The following PALLD variants were observed in gnomAD, a reference collection of about 807,000 sequenced individuals.
PALLD encodes palladin, cytoskeletal associated protein, also known as palladin.
A neutral mutation model predicts 123.5 loss-of-function variants in PALLD; 61 were observed. That is an observed-to-expected ratio of 0.49 (90% CI 0.40 to 0.61). PALLD has a LOEUF of 0.61. Ranked by LOEUF, PALLD falls within the 20% of genes least tolerant of loss-of-function variation. PALLD has a pLI of 0.00. For synonymous variants in PALLD, 465 were observed against 496.4 expected (o/e 0.94, Z 0.84); for missense variants, 1,273 against 1,377.0 (o/e 0.92, Z 1.20).
chr4:168,783,589 G>A lies in PALLD; in HGVS notation c.1964+71666G>A, dbSNP rs114456481. Among the ~76,000 whole-genome samples the A allele has an allele frequency of 6.5e-3, 989 of 152,302 alleles. 5 individuals carry two copies. Among genetic ancestry groups the A allele is most frequent in the Middle Eastern group, 0.034 (10 of 294 alleles). ...CCAGGGCAAGATGATCATGCTGGCT[G>A]TGCCTCTTCACCTTCATCCATAAGA... On this transcript the variant is annotated intron_variant, in intron 10 of 21. Transcript: ENST00000505667.
At chr4:168,780,205 C>T (rs930756987) in intron 10 of PALLD, among the ~76,000 whole-genome samples, 3 of 152,122 alleles carry the variant, frequency 2.0e-5, no homozygotes, top group Non-Finnish European at 4.4e-5. Flanking sequence ...GGTCTCACTA[C>T]GTTACATTCT....
chr4:168,894,393 CT>C (rs2151215536), intron 11 of PALLD, 185 bp from the exon 12 acceptor site: 1 of 616,538 alleles, frequency 1.6e-6, no homozygotes, highest in East Asian at 2.9e-5. Context: ...GCCATTAGTA[CT>C]AGAAAGGGAG....
intron 10 of PALLD, among the ~76,000 whole-genome samples, chr4:168,766,256 T>C (rs1246593134): frequency 6.6e-6 from 1 of 152,232 alleles, no homozygotes; most frequent in Non-Finnish European, 1.5e-5. Flanking sequence ...GCTACATTGC[T>C]CCTAAGTTCC....
At chr4:168,597,997 A>C (rs72982753) in intron 2 of PALLD, among the ~76,000 whole-genome samples, 15,036 of 152,138 alleles carry the variant, frequency 0.099, 804 homozygotes, top group Admixed American at 0.13. Flanking sequence ...CTTTATAAAC[A>C]TGATTATCAA....
intron 2 of PALLD, among the ~76,000 whole-genome samples, chr4:168,657,813 G>A (rs1267528517): frequency 6.6e-6 from 1 of 152,150 alleles, no homozygotes; most frequent in Non-Finnish European, 1.5e-5. Flanking sequence ...AAGCCCATTT[G>A]CATAATAAGA....
chr4:168,832,097 G>C, intron 10 of PALLD: 2 of 985,424 alleles, frequency 2.0e-6, no homozygotes, highest in Non-Finnish European at 2.4e-6. Flanking sequence ...CGCCCGGTCC[G>C]CGGAGCCCGC....
chr4:168,723,616 G>C (rs1019009993), intron 10 of PALLD, among the ~76,000 whole-genome samples: 1 of 152,198 alleles, frequency 6.6e-6, no homozygotes, highest in Non-Finnish European at 1.5e-5. Flanking sequence ...CTGGATGCTA[G>C]AGCAGATACA....
intron 10 of PALLD, among the ~76,000 whole-genome samples, chr4:168,730,917 G>A (rs572881345): frequency 6.6e-6 from 1 of 152,142 alleles, no homozygotes; most frequent in South Asian, 2.1e-4. Flanking sequence ...AACCCTTTTG[G>A]CTCTCCATCT....
chr4:168,585,112 T>G (rs1770679643), intron 2 of PALLD, among the ~76,000 whole-genome samples: 1 of 152,248 alleles, frequency 6.6e-6, no homozygotes, highest in African/African-American at 2.4e-5. Context: ...ATTCCAAATG[T>G]ATTGAATGGT....
chr4:168,836,823 T>C (rs1456900306), intron 10 of PALLD, among the ~76,000 whole-genome samples: 1 of 152,202 alleles, frequency 6.6e-6, no homozygotes, highest in Non-Finnish European at 1.5e-5. Context: ...ACTTTTTCAC[T>C]GAAACTATGT....
At chr4:168,583,648 CT>C (rs1770514067) in intron 2 of PALLD, among the ~76,000 whole-genome samples, 1 of 152,198 alleles carries the variant, frequency 6.6e-6, no homozygotes, top group South Asian at 2.1e-4. Flanking sequence ...TCAAGATTTA[CT>C]TCACTTGAAA....
At chr4:168,834,697 A>G (rs1744868671) in intron 10 of PALLD, among the ~76,000 whole-genome samples, 1 of 152,160 alleles carries the variant, frequency 6.6e-6, no homozygotes, top group Admixed American at 6.5e-5. Context: ...AGATTACACC[A>G]CTGCACTCCA....
At chr4:168,718,137 G>T (rs1785546943) in intron 10 of PALLD, among the ~76,000 whole-genome samples, 2 of 152,284 alleles carry the variant, frequency 1.3e-5, no homozygotes, top group Middle Eastern at 3.4e-3. Flanking sequence ...CCAACGTGTG[G>T]CTTTGGCAAT....
intron 10 of PALLD, among the ~76,000 whole-genome samples, chr4:168,797,432 G>T (rs904274742): frequency 7.9e-5 from 12 of 151,598 alleles, no homozygotes; most frequent in African/African-American, 2.7e-4. Context: ...TCCCACGCAG[G>T]GAGTTAATTC....
At chr4:168,631,802 A>G in intron 2 of PALLD, 1 of 985,486 alleles carries the variant, frequency 1.0e-6, no homozygotes, top group Non-Finnish European at 1.2e-6. Context: ...GATCGCATTC[A>G]GAGCCCAGAA....
chr4:168,806,870 G>GTA (rs1252619566), intron 10 of PALLD, among the ~76,000 whole-genome samples: 358 of 151,912 alleles, frequency 2.4e-3, no homozygotes, highest in African/African-American at 7.7e-3. Flanking sequence ...AGATGTGTGT[G>GTA]TATATATATA....
intron 10 of PALLD, among the ~76,000 whole-genome samples, chr4:168,889,138 TTGTGTGTGTGTGTG>T (rs143065658): frequency 7.6e-6 from 1 of 132,238 alleles, no homozygotes; most frequent in Non-Finnish European, 1.6e-5. Context: ...TTGCTTTATT[TTGTGTGTGTGTGTG>T]TGTGTGTGTG....
chr4:168,741,691 A>C (rs997541194), intron 10 of PALLD, among the ~76,000 whole-genome samples: 3 of 152,160 alleles, frequency 2.0e-5, no homozygotes, highest in African/African-American at 7.2e-5. Flanking sequence ...CTCAAAAACA[A>C]AAAACAAACA....
chr4:168,503,643 T>A (rs1579994973), intron 1 of PALLD, among the ~76,000 whole-genome samples: 1 of 108,276 alleles, frequency 9.2e-6, no homozygotes, highest in African/African-American at 4.6e-5. Context: ...CGAGACTCCA[T>A]CTCAAAAAAA....
Sources: allele counts gnomAD v4.1 joint callset (sites outside exome capture counted in the v4.1 genomes callset), GRCh38; gene constraint gnomAD v4.1.1; transcripts MANE v1.5; gene names NCBI Gene and HGNC (gene_info 2026-07-23, HGNC 2026-07-21).